Variants in RBFOX1 observed in about 807,000 individuals in gnomAD.
The protein encoded by RBFOX1 is RNA binding protein fox-1 homolog 1.
RBFOX1 carries 8 observed loss-of-function variants against 57.7 expected under a neutral mutation model. That is an observed-to-expected ratio of 0.14 (90% CI 0.08 to 0.25). RBFOX1 has a LOEUF of 0.25. Ranked by LOEUF, RBFOX1 falls within the 10% of genes least tolerant of loss-of-function variation. The probability of loss-of-function intolerance (pLI) is 1.00; values close to 1 mark genes in which losing one functional copy is unlikely to be tolerated. For synonymous variants in RBFOX1, 326 were observed against 222.4 expected, an observed-to-expected ratio of 1.47 and a Z score of -4.15; for missense variants, 611 against 548.5, an observed-to-expected ratio of 1.11 and a Z score of -1.14.
intron 1 of RBFOX1, among the ~76,000 whole-genome samples, chr16:6,049,199 G>A (rs2095526744): frequency 6.6e-6 from 1 of 151,790 alleles, no homozygotes. Context: ...AAGTAGCTGG[G>A]ATTACAGGTG....
At chr16:5,241,454 A>G (rs1459564707) in intron 1 of RBFOX1, among the ~76,000 whole-genome samples, 1 of 152,224 alleles carries the variant, frequency 6.6e-6, no homozygotes, top group Non-Finnish European at 1.5e-5. Context: ...GGACTCTGCC[A>G]AAGACCAGGA....
At chr16:7,279,629 G>T (rs1319293566) in intron 4 of RBFOX1, among the ~76,000 whole-genome samples, 1 of 152,176 alleles carries the variant, frequency 6.6e-6, no homozygotes, top group South Asian at 2.1e-4. Context: ...AGGAGGGATG[G>T]CCTGGCATGG....
intron 3 of RBFOX1, among the ~76,000 whole-genome samples, chr16:6,762,428 G>A (rs1357892844): frequency 1.3e-5 from 2 of 151,972 alleles, no homozygotes; most frequent in East Asian, 1.9e-4. Flanking sequence ...TACCACCACC[G>A]ACAATGAAAT....
chr16:7,358,687 T>G (rs1258671035), intron 4 of RBFOX1, among the ~76,000 whole-genome samples: 5 of 152,216 alleles, frequency 3.3e-5, no homozygotes, highest in African/African-American at 1.2e-4. Flanking sequence ...CCCAAAGTGC[T>G]GGGATTACAA....
At chr16:6,652,361 T>A (rs971976112) in intron 2 of RBFOX1, among the ~76,000 whole-genome samples, 2 of 151,808 alleles carry the variant, frequency 1.3e-5, no homozygotes, top group Non-Finnish European at 2.9e-5. Context: ...GGCAGAAGAA[T>A]CACTTGAACC....
intron 2 of RBFOX1, among the ~76,000 whole-genome samples, chr16:5,509,785 C>G (rs1264289857): frequency 6.6e-6 from 1 of 152,160 alleles, no homozygotes; most frequent in Non-Finnish European, 1.5e-5. Flanking sequence ...TGGATGGACC[C>G]AGGAGGTACT....
chr16:7,624,577 A>G (rs560370626), intron 10 of RBFOX1, among the ~76,000 whole-genome samples: 4 of 152,346 alleles, frequency 2.6e-5, no homozygotes, highest in African/African-American at 7.2e-5. Flanking sequence ...GTAGATGCCA[A>G]TAAGTACCAG....
chr16:6,876,197 G>A (rs902730447), intron 3 of RBFOX1, among the ~76,000 whole-genome samples: 1 of 151,742 alleles, frequency 6.6e-6, no homozygotes, highest in Non-Finnish European at 1.5e-5. Flanking sequence ...AAAAAACAAA[G>A]CAAAGCAAAA....
chr16:5,852,667 G>T (rs989064461), intron 3 of RBFOX1, among the ~76,000 whole-genome samples: 1 of 152,056 alleles, frequency 6.6e-6, no homozygotes, highest in Non-Finnish European at 1.5e-5. Context: ...TACTGGATTT[G>T]TAAAAGGGGT....
At chr16:6,645,891 T>G (rs1039494005) in intron 2 of RBFOX1, among the ~76,000 whole-genome samples, 2 of 152,154 alleles carry the variant, frequency 1.3e-5, no homozygotes, top group Admixed American at 6.5e-5. Context: ...TCGGCCTCCT[T>G]GTGCAGAGTT....
intron 2 of RBFOX1, among the ~76,000 whole-genome samples, chr16:6,519,919 C>G (rs1165791777): frequency 6.6e-6 from 1 of 152,200 alleles, no homozygotes; most frequent in Admixed American, 6.5e-5. Context: ...GCCCCATGCT[C>G]TTAACCACCC....
intron 5 of RBFOX1, among the ~76,000 whole-genome samples, chr16:7,552,301 T>A (rs1201722792): frequency 6.6e-6 from 1 of 152,232 alleles, no homozygotes; most frequent in Non-Finnish European, 1.5e-5. Flanking sequence ...TATAGTTTCT[T>A]ATGTAATCCA....
chr16:6,242,815 G>A (rs774245689), intron 1 of RBFOX1, among the ~76,000 whole-genome samples: 5 of 151,988 alleles, frequency 3.3e-5, no homozygotes, highest in Non-Finnish European at 7.4e-5. Context: ...AAGCCCAGAT[G>A]TCCTTTTAAT....
At chr16:5,557,234 G>A (rs11644974) in intron 2 of RBFOX1, among the ~76,000 whole-genome samples, 43,049 of 150,960 alleles carry the variant, frequency 0.29, 6,844 homozygotes, top group Non-Finnish European at 0.35. Flanking sequence ...CACTCCAGCC[G>A]GGGTGACAGA....
chr16:5,843,345 A>G (rs1222232813), intron 3 of RBFOX1, among the ~76,000 whole-genome samples: 1 of 152,028 alleles, frequency 6.6e-6, no homozygotes, highest in African/African-American at 2.4e-5. Flanking sequence ...GTGTATCCAT[A>G]TGTTCTCATT....
intron 1 of RBFOX1, among the ~76,000 whole-genome samples, chr16:6,151,562 A>G (rs953647085): frequency 7.2e-5 from 11 of 152,230 alleles, no homozygotes; most frequent in African/African-American, 2.7e-4. Context: ...CTGGGGTTAC[A>G]GGAGTGAGCC....
intron 3 of RBFOX1, among the ~76,000 whole-genome samples, chr16:5,785,428 C>T (rs2054466355): frequency 6.6e-6 from 1 of 152,156 alleles, no homozygotes; most frequent in Admixed American, 6.5e-5. Flanking sequence ...GCCCCACCGC[C>T]ATCCTTGACG....
At position 6,564,868 on chromosome 16, in the gene RBFOX1, C is replaced by T. The variant is rs944609982; in HGVS notation, c.-63-89735C>T. Among the ~76,000 whole-genome samples, 6 of 152,000 alleles carry T rather than the reference C, an allele frequency of 3.9e-5. No homozygotes were observed. In the South Asian group the frequency reaches 8.3e-4, roughly 21 times the overall value. Reference sequence around the variant, plus strand: ...AAATTAAAGCATTTGCGGCTGGGCACGGTGGCTCATGTCTGTAATCCCAGC... The same window carrying T: ...AAATTAAAGCATTTGCGGCTGGGCATGGTGGCTCATGTCTGTAATCCCAGC... On this transcript the variant is annotated intron_variant, in intron 2 of 15. Coordinates refer to ENST00000550418, the MANE Select transcript of RBFOX1 (RefSeq NM_018723.4).
At chr16:6,718,607 A>C (rs1041000957) in intron 3 of RBFOX1, among the ~76,000 whole-genome samples, 1 of 152,122 alleles carries the variant, frequency 6.6e-6, no homozygotes, top group Non-Finnish European at 1.5e-5. Flanking sequence ...GTAATCCCCA[A>C]TATTGGAGGA....
Sources: allele counts gnomAD v4.1 joint callset (sites outside exome capture counted in the v4.1 genomes callset), GRCh38; gene constraint gnomAD v4.1.1; transcripts MANE v1.5; gene names NCBI Gene and HGNC (gene_info 2026-07-23, HGNC 2026-07-21).